PTPRK: variants seen among roughly 807,000 people sequenced by gnomAD.
The protein encoded by PTPRK is receptor-type tyrosine-protein phosphatase kappa.
PTPRK carries 75 observed loss-of-function variants against 178.0 expected under a neutral mutation model. The observed-to-expected ratio is 0.42, with a 90% CI of 0.35 to 0.51. The LOEUF is 0.51. Ranked by LOEUF, PTPRK falls within the 20% of genes least tolerant of loss-of-function variation. PTPRK has a pLI of 0.02. For missense variants in PTPRK, 1,441 were observed against 1,797.8 expected (o/e 0.80, Z 3.59); for synonymous variants, 637 against 620.6 (o/e 1.03, Z -0.39).
At chr6:128,109,136 T>C (rs972354420) in intron 7 of PTPRK, among the ~76,000 whole-genome samples, 1 of 152,152 alleles carries the variant, frequency 6.6e-6, no homozygotes, top group Non-Finnish European at 1.5e-5. Context: ...GTTAAAACAA[T>C]AGCTTGTAAA....
chr6:128,048,512 C>T (rs73582674), intron 13 of PTPRK, among the ~76,000 whole-genome samples: 5,623 of 152,194 alleles, frequency 0.037, 353 homozygotes, highest in African/African-American at 0.13. Flanking sequence ...ACCTCACCAG[C>T]GAGACTTTCT....
intron 7 of PTPRK, among the ~76,000 whole-genome samples, chr6:128,093,447 T>G (rs1787337158): frequency 6.6e-6 from 1 of 150,790 alleles, no homozygotes; most frequent in Non-Finnish European, 1.5e-5. Context: ...TACAAAAAAT[T>G]AGCCAGGTGT....
chr6:128,289,364 T>C (rs528608326), intron 3 of PTPRK, among the ~76,000 whole-genome samples: 2 of 152,282 alleles, frequency 1.3e-5, no homozygotes, highest in Non-Finnish European at 2.9e-5. Flanking sequence ...ATTTGTTATA[T>C]GTGCTATTCT....
At chr6:128,049,031 A>C (rs1450239529) in intron 13 of PTPRK, among the ~76,000 whole-genome samples, 1 of 152,226 alleles carries the variant, frequency 6.6e-6, no homozygotes, top group East Asian at 1.9e-4. Flanking sequence ...ATGAAATCAG[A>C]AATCAAAAAA....
chr6:128,151,855 C>T (rs539936771), intron 7 of PTPRK, among the ~76,000 whole-genome samples: 1 of 151,284 alleles, frequency 6.6e-6, no homozygotes, highest in African/African-American at 2.4e-5. Flanking sequence ...GAAACTTTCA[C>T]TAATGAAGAA....
chr6:128,479,955 C>A (rs565319146), intron 1 of PTPRK, among the ~76,000 whole-genome samples: 1 of 152,246 alleles, frequency 6.6e-6, no homozygotes, highest in East Asian at 1.9e-4. Context: ...TATCTCATAA[C>A]CAAACTCAGT....
chr6:128,194,475 G>A (rs1426276404), intron 6 of PTPRK, among the ~76,000 whole-genome samples: 1 of 152,086 alleles, frequency 6.6e-6, no homozygotes, highest in Non-Finnish European at 1.5e-5. Flanking sequence ...TGAAAGTTAT[G>A]AATCCCTATG....
chr6:128,210,851 T>C (rs2128265155), intron 6 of PTPRK, among the ~76,000 whole-genome samples: 1 of 152,206 alleles, frequency 6.6e-6, no homozygotes, highest in Non-Finnish European at 1.5e-5. Flanking sequence ...TAAAATTTCT[T>C]CCTAACGAAG....
chr6:128,080,544 T>A lies in PTPRK; in HGVS notation c.1778-1626A>T, dbSNP rs1428534201. On this transcript the variant is annotated intron_variant, in intron 10 of 29. Coordinates refer to ENST00000368226, the MANE Select transcript of PTPRK (RefSeq NM_002844.4). ...TAGAAGATTAATTATTATCTGAGAG[T>A]TTTTTAGGAAGCAGAAACAACAAAT... is the stretch of plus-strand genomic sequence containing the variant. Among the ~76,000 whole-genome samples, 3 of 151,602 alleles carry A rather than the reference T, an allele frequency of 2.0e-5. No individual in the cohort carries two copies. The East Asian group carries it at 5.8e-4, about 29-fold the overall frequency.
At chr6:128,164,056 C>T (rs1799048682) in intron 7 of PTPRK, among the ~76,000 whole-genome samples, 1 of 151,380 alleles carries the variant, frequency 6.6e-6, no homozygotes, top group Admixed American at 6.6e-5. Flanking sequence ...CTTTGACACA[C>T]CCAAATCCCT....
At position 128,140,197 on chromosome 6, in the gene PTPRK, A is replaced by G. The variant is rs147220520; in HGVS notation, c.1162+44235T>C. On this transcript the variant is annotated intron_variant, in intron 7 of 29. Transcript: ENST00000368226. ...TTATGACAGCTGAACATGTTATTTTACATTACTCTGAAGAATAACCCTAAG... is the reference window on the plus strand; with the variant it reads ...TTATGACAGCTGAACATGTTATTTTGCATTACTCTGAAGAATAACCCTAAG... 4.4e-3 allele frequency among the ~76,000 whole-genome samples: 669 copies of G among 152,188 alleles called. 3 individuals are homozygous for G. The highest frequency in any genetic ancestry group is 0.015 in the African/African-American group (634 of 41,546).
intron 1 of PTPRK, among the ~76,000 whole-genome samples, chr6:128,491,518 C>T (rs751044673): frequency 7.2e-5 from 11 of 152,210 alleles, no homozygotes; most frequent in Non-Finnish European, 1.6e-4. Flanking sequence ...AGCAGCCTGG[C>T]TCCGGTGTAT....
intron 5 of PTPRK, among the ~76,000 whole-genome samples, chr6:128,222,273 A>G (rs1420565900): frequency 6.6e-6 from 1 of 152,042 alleles, no homozygotes; most frequent in African/African-American, 2.4e-5. Flanking sequence ...CATTCCTCTC[A>G]CAACACTACT....
At chr6:128,170,755 CA>C (rs2114643815) in intron 7 of PTPRK, among the ~76,000 whole-genome samples, 1 of 152,000 alleles carries the variant, frequency 6.6e-6, no homozygotes, top group South Asian at 2.1e-4. Flanking sequence ...AACATTTAAG[CA>C]GTACAAAATT....
chr6:128,186,601 A>G (rs1802805263), intron 6 of PTPRK, among the ~76,000 whole-genome samples: 1 of 152,128 alleles, frequency 6.6e-6, no homozygotes, highest in Non-Finnish European at 1.5e-5. Context: ...TCACGACTGA[A>G]TTCAACGGAG....
At chr6:128,460,988 A>G (rs1056061804) in intron 1 of PTPRK, among the ~76,000 whole-genome samples, 1 of 152,202 alleles carries the variant, frequency 6.6e-6, no homozygotes. Flanking sequence ...ATTCCAGTTT[A>G]CAGTCATCTT....
At chr6:128,469,874 G>T (rs1584868705) in intron 1 of PTPRK, among the ~76,000 whole-genome samples, 1 of 152,078 alleles carries the variant, frequency 6.6e-6, no homozygotes, top group South Asian at 2.1e-4. Flanking sequence ...AGCCAAGAAA[G>T]ATAGGTGACT....
At chr6:128,382,342 T>C (rs1838058172) in intron 2 of PTPRK, among the ~76,000 whole-genome samples, 1 of 151,278 alleles carries the variant, frequency 6.6e-6, no homozygotes, top group Non-Finnish European at 1.5e-5. Context: ...CTATATGTAA[T>C]CATGTGTCCA....
At chr6:127,993,072 T>C (rs1203117309) in intron 18 of PTPRK, among the ~76,000 whole-genome samples, 1 of 151,694 alleles carries the variant, frequency 6.6e-6, no homozygotes, top group Non-Finnish European at 1.5e-5. Context: ...CATTTTATCA[T>C]CCAAAAGTAC....
Sources: allele counts gnomAD v4.1 joint callset (sites outside exome capture counted in the v4.1 genomes callset), GRCh38; gene constraint gnomAD v4.1.1; transcripts MANE v1.5; gene names NCBI Gene and HGNC (gene_info 2026-07-23, HGNC 2026-07-21).